MED13L: variants seen among roughly 807,000 people sequenced by gnomAD.
The protein encoded by MED13L is mediator complex subunit 13L.
In MED13L, 7 loss-of-function variants were observed where a neutral mutation model predicts 220.9. That is an observed-to-expected ratio of 0.03 (90% CI 0.02 to 0.06). The LOEUF (loss-of-function observed/expected upper bound fraction) is 0.06. Ranked by LOEUF, MED13L falls within the 10% of genes least tolerant of loss-of-function variation. The pLI is 1.00. For synonymous variants in MED13L, 1,011 were observed against 1,015.2 expected, an observed-to-expected ratio of 1.00 and a Z score of 0.08; for missense variants, 1,965 against 2,760.5, an observed-to-expected ratio of 0.71 and a Z score of 6.46.
intron 4 of MED13L, among the ~76,000 whole-genome samples, chr12:116,035,801 G>A (rs570946408): frequency 6.6e-6 from 1 of 151,844 alleles, no homozygotes; most frequent in Non-Finnish European, 1.5e-5. Context: ...ACGTTGCCCA[G>A]GATCGTCTCG....
At chr12:116,092,400 C>A (rs988584771) in intron 4 of MED13L, among the ~76,000 whole-genome samples, 3 of 152,138 alleles carry the variant, frequency 2.0e-5, no homozygotes, top group African/African-American at 7.2e-5. Context: ...GAAGGCGTAC[C>A]ACTCAAGAAC....
intron 28 of MED13L, among the ~76,000 whole-genome samples, chr12:115,967,817 GT>G (rs1213617192): frequency 6.6e-6 from 1 of 152,120 alleles, no homozygotes; most frequent in East Asian, 1.9e-4. Context: ...TAACATTTGT[GT>G]TTTTCGTTCC....
At position 116,148,076 on chromosome 12, in the gene MED13L, A is replaced by AAAAAAAAAAAAAAG. The variant is rs1264462636; in HGVS notation, c.311-36565_311-36564insCTTTTTTTTTTTTT. 6.3e-4 allele frequency among the ~76,000 whole-genome samples: 32 copies of AAAAAAAAAAAAAAG among 50,576 alleles called. 1 individual carries two copies. Among genetic ancestry groups the AAAAAAAAAAAAAAG allele is most frequent in the African/African-American group, 1.3e-3 (16 of 12,736 alleles). 33.2% of individuals were successfully genotyped at this position (50,576 alleles called of 152,430 possible). On this transcript the variant is annotated intron_variant, in intron 2 of 30. Coordinates refer to ENST00000281928, the MANE Select transcript of MED13L (RefSeq NM_015335.5). ...CAAAAAAAAAAAAAAAAAAAAAAAG[A>AAAAAAAAAAAAAAG]GGGGGGCGGGAGTGGAGGGGGGCGG...
intron 2 of MED13L, among the ~76,000 whole-genome samples, chr12:116,192,033 A>G (rs1220825232): frequency 6.6e-6 from 1 of 152,230 alleles, no homozygotes; most frequent in Admixed American, 6.5e-5. Context: ...CTAAAATATT[A>G]ATATCCAAAT....
At chr12:116,209,176 C>T (rs1019901592) in intron 2 of MED13L, among the ~76,000 whole-genome samples, 2 of 152,140 alleles carry the variant, frequency 1.3e-5, no homozygotes, top group African/African-American at 4.8e-5. Context: ...GAGGCATGCT[C>T]GGAGCCTAAT....
At chr12:116,211,208 A>C (rs886478803) in intron 2 of MED13L, among the ~76,000 whole-genome samples, 2 of 152,172 alleles carry the variant, frequency 1.3e-5, no homozygotes, top group Non-Finnish European at 2.9e-5. Flanking sequence ...CCATTGCTGA[A>C]ACCTAGACCA....
intron 4 of MED13L, among the ~76,000 whole-genome samples, chr12:116,057,273 A>G (rs988852486): frequency 6.6e-6 from 1 of 152,216 alleles, no homozygotes; most frequent in African/African-American, 2.4e-5. Context: ...ATCCTCCTGG[A>G]ACAGCAGAAG....
chr12:115,970,424 G>T (rs1245337589), intron 27 of MED13L, among the ~76,000 whole-genome samples, 170 bp downstream of exon 27: 1 of 152,224 alleles, frequency 6.6e-6, no homozygotes, highest in Non-Finnish European at 1.5e-5. Context: ...TAATTGTGCA[G>T]ATAAATCAAA....
At chr12:116,240,779 C>T (rs957386181) in intron 1 of MED13L, among the ~76,000 whole-genome samples, 4 of 150,222 alleles carry the variant, frequency 2.7e-5, no homozygotes, top group African/African-American at 4.9e-5. Context: ...CGCCCACCTC[C>T]GCCTCCCAAA....
chr12:116,091,593 A>G (rs144670499), intron 4 of MED13L, among the ~76,000 whole-genome samples: 1 of 152,328 alleles, frequency 6.6e-6, no homozygotes, highest in African/African-American at 2.4e-5. Context: ...CCTTCCTGGA[A>G]TCAACAGTTT....
chr12:115,996,694 A>G lies in MED13L; in HGVS notation c.2791-13T>C. On this transcript the variant is annotated splice_polypyrimidine_tract_variant and intron_variant, in intron 15 of 30. Transcript: ENST00000281928. ...CATATGAAAAGTCCTGTGACAACAA[A>G]GTGGGGTCAGTGTTAATATTGGTAA... 6.2e-7 allele frequency: 1 copy of G among 1,603,348 alleles called. No homozygotes were observed. The highest frequency in any genetic ancestry group is 8.5e-7 in the Non-Finnish European group (1 of 1,170,426).
At chr12:116,088,490 G>A (rs192626964) in intron 4 of MED13L, among the ~76,000 whole-genome samples, 1 of 152,148 alleles carries the variant, frequency 6.6e-6, no homozygotes, top group Non-Finnish European at 1.5e-5. Flanking sequence ...TGTCACGACT[G>A]AGGGAGGAGG....
At chr12:116,218,567 T>C (rs1883136403) in intron 2 of MED13L, among the ~76,000 whole-genome samples, 1 of 152,154 alleles carries the variant, frequency 6.6e-6, no homozygotes, top group Admixed American at 6.5e-5. Flanking sequence ...ACCAGCATTT[T>C]TTTTTTTGAC....
chr12:116,012,312 G>C (rs933170739), intron 9 of MED13L, among the ~76,000 whole-genome samples: 2 of 152,152 alleles, frequency 1.3e-5, no homozygotes, highest in African/African-American at 4.8e-5. Context: ...AGAACTAAAT[G>C]AATAAGCAAG....
In MED13L at chr12:116,108,965, G is replaced by A. The variant is rs1222006201; in HGVS notation, c.395+2463C>T. On this transcript the variant is annotated intron_variant, in intron 3 of 30. Coordinates refer to ENST00000281928, the MANE Select transcript of MED13L (RefSeq NM_015335.5). ...GTTAACTAAGGCTTAGTGAGATTAG[G>A]GTAACTGTCCAAGTAACAGACCCTG... Among the ~76,000 whole-genome samples the A allele has an allele frequency of 2.0e-5, 3 of 151,636 alleles. 1 individual carries two copies. The South Asian group carries it at 6.2e-4, about 32-fold the overall frequency.
At chr12:115,995,015 G>A (rs1206723105) in intron 16 of MED13L, among the ~76,000 whole-genome samples, 1 of 152,190 alleles carries the variant, frequency 6.6e-6, no homozygotes, top group Non-Finnish European at 1.5e-5. Flanking sequence ...TTGCAAGGCA[G>A]GAATTTCAGT....
At chr12:115,988,654 T>C (rs1429561540) in intron 17 of MED13L, among the ~76,000 whole-genome samples, 1 of 152,176 alleles carries the variant, frequency 6.6e-6, no homozygotes, top group Non-Finnish European at 1.5e-5. Flanking sequence ...AGAAAGTGAG[T>C]TTTGAAAAGA....
intron 4 of MED13L, among the ~76,000 whole-genome samples, chr12:116,050,087 G>A (rs941210943): frequency 2.6e-5 from 4 of 152,062 alleles, no homozygotes; most frequent in African/African-American, 9.7e-5. Context: ...CATTACACTG[G>A]CCTGTTAAAA....
At position 116,231,423 on chromosome 12, in the gene MED13L, T is replaced by C. The variant is rs564997352; in HGVS notation, c.310+6045A>G. 4.6e-5 allele frequency among the ~76,000 whole-genome samples: 7 copies of C among 152,224 alleles called. No individual in the cohort carries two copies. The East Asian group carries it at 1.4e-3, about 29-fold the overall frequency. On this transcript the variant is annotated intron_variant, in intron 2 of 30. Transcript: ENST00000281928. ...CCTGACTCTAACTGTAAGAAAACAATTAGACAAATTCAAAATGTGGGATAT... is the reference window on the plus strand; with the variant it reads ...CCTGACTCTAACTGTAAGAAAACAACTAGACAAATTCAAAATGTGGGATAT...
Sources: allele counts gnomAD v4.1 joint callset (sites outside exome capture counted in the v4.1 genomes callset), GRCh38; gene constraint gnomAD v4.1.1; transcripts MANE v1.5; gene names NCBI Gene and HGNC (gene_info 2026-07-23, HGNC 2026-07-21).